The following NEGR1 variants were observed in gnomAD, a reference collection of about 807,000 sequenced individuals.
NEGR1 encodes the protein IgLON family member 4.
Under a neutral mutation model 40.9 loss-of-function variants are expected in NEGR1, and 10 were observed. The observed-to-expected ratio is 0.24, with a 90% CI of 0.15 to 0.42. The LOEUF is 0.42. NEGR1 is among the 10% of genes least tolerant of loss of function. The pLI, the probability that NEGR1 is intolerant of heterozygous loss-of-function variation, is 1.00. For missense variants in NEGR1, 352 were observed against 438.9 expected, an observed-to-expected ratio of 0.80 and a Z score of 1.77; for synonymous variants, 185 against 166.8, an observed-to-expected ratio of 1.11 and a Z score of -0.84.
chr1:71,824,442 C>T (rs1658544549), intron 2 of NEGR1, among the ~76,000 whole-genome samples: 1 of 151,548 alleles, frequency 6.6e-6, no homozygotes, highest in African/African-American at 2.4e-5. Context: ...AATGTGAGAG[C>T]CATATAATCT....
At chr1:71,586,351 T>G (rs1412521735) in intron 6 of NEGR1, among the ~76,000 whole-genome samples, 1 of 152,196 alleles carries the variant, frequency 6.6e-6, no homozygotes, top group African/African-American at 2.4e-5. Context: ...TCAAGGCCGC[T>G]ATGTAATGTG....
intron 1 of NEGR1, among the ~76,000 whole-genome samples, chr1:72,085,588 T>G (rs1241069822): frequency 6.6e-6 from 1 of 152,198 alleles, no homozygotes; most frequent in African/African-American, 2.4e-5. Flanking sequence ...TATTATGTAA[T>G]GCTACTGAAT....
intron 1 of NEGR1, among the ~76,000 whole-genome samples, chr1:72,029,754 G>T (rs1646841483): frequency 6.6e-6 from 1 of 152,124 alleles, no homozygotes; most frequent in Admixed American, 6.6e-5. Context: ...TATATTTCAA[G>T]AGTTCTTCGA....
chr1:72,050,960 A>C (rs1051585473), intron 1 of NEGR1, among the ~76,000 whole-genome samples: 1 of 151,510 alleles, frequency 6.6e-6, no homozygotes, highest in African/African-American at 2.4e-5. Context: ...TCCCCAGTCC[A>C]ATCAAGCCTT....
intron 2 of NEGR1, among the ~76,000 whole-genome samples, chr1:71,778,033 CA>C (rs1557648807): frequency 1.3e-5 from 2 of 151,832 alleles, no homozygotes; most frequent in Admixed American, 6.6e-5. Flanking sequence ...AAGGAAAGTA[CA>C]AAAAACTTTG....
intron 1 of NEGR1, among the ~76,000 whole-genome samples, chr1:72,028,476 T>C (rs1646830734): frequency 6.6e-6 from 1 of 152,192 alleles, no homozygotes; most frequent in South Asian, 2.1e-4. Flanking sequence ...TATGCAATTA[T>C]TATTTCTCTC....
chr1:71,702,547 G>T (rs1653731892), intron 3 of NEGR1, among the ~76,000 whole-genome samples: 1 of 151,752 alleles, frequency 6.6e-6, no homozygotes, highest in Non-Finnish European at 1.5e-5. Context: ...GGAATTATTA[G>T]AATAATGTAA....
chr1:71,662,429 T>C (rs1249652470), intron 4 of NEGR1, among the ~76,000 whole-genome samples: 2 of 152,196 alleles, frequency 1.3e-5, no homozygotes, highest in Admixed American at 1.3e-4. Context: ...CTCCCTTTGT[T>C]GTAAACTTGC....
chr1:71,764,051 T>C (rs1404955438), intron 3 of NEGR1, among the ~76,000 whole-genome samples: 2 of 152,076 alleles, frequency 1.3e-5, no homozygotes, highest in Admixed American at 1.3e-4. Context: ...CAAAAGCAAA[T>C]AAAGTCAATT....
intron 6 of NEGR1, among the ~76,000 whole-genome samples, chr1:71,501,351 C>T (rs1646997860): frequency 6.6e-6 from 1 of 151,970 alleles, no homozygotes; most frequent in African/African-American, 2.4e-5. Flanking sequence ...GAACTTTAAT[C>T]GTATGAAGCA....
intron 1 of NEGR1, among the ~76,000 whole-genome samples, chr1:72,257,335 A>C (rs934132557): frequency 4.0e-5 from 6 of 151,052 alleles, no homozygotes; most frequent in African/African-American, 1.5e-4. Context: ...AAAAAAAAAA[A>C]AAAAAAAAAG....
intron 6 of NEGR1, among the ~76,000 whole-genome samples, chr1:71,578,502 C>G (rs751607814): frequency 6.6e-6 from 1 of 152,044 alleles, no homozygotes; most frequent in Non-Finnish European, 1.5e-5. Context: ...CATTATCAAT[C>G]AGGCAATTCT....
chr1:71,650,112 A>G (rs914128303), intron 4 of NEGR1, among the ~76,000 whole-genome samples: 7 of 152,132 alleles, frequency 4.6e-5, no homozygotes, highest in African/African-American at 1.7e-4. Context: ...ATTTTTATGT[A>G]TCTTCAAATA....
chr1:72,243,556 G>A (rs1228833542), intron 1 of NEGR1, among the ~76,000 whole-genome samples: 2 of 151,726 alleles, frequency 1.3e-5, no homozygotes, highest in Non-Finnish European at 3.0e-5. Context: ...AGCAGAGTCT[G>A]TCACAGTCAC....
chr1:71,586,571 T>C (rs376647317), intron 6 of NEGR1, among the ~76,000 whole-genome samples: 15 of 152,236 alleles, frequency 9.9e-5, no homozygotes, highest in Admixed American at 8.5e-4. Context: ...CTCCGCTAAC[T>C]GATATGTGGT....
intron 6 of NEGR1, among the ~76,000 whole-genome samples, chr1:71,472,848 T>C (rs888122990): frequency 2.2e-4 from 34 of 152,014 alleles, no homozygotes; most frequent in Non-Finnish European, 4.1e-4. Context: ...ATTAAAAGTA[T>C]ACATATAAAA....
At chr1:71,594,379 C>G (rs780265240) in intron 5 of NEGR1, among the ~76,000 whole-genome samples, 1 of 152,004 alleles carries the variant, frequency 6.6e-6, no homozygotes, top group South Asian at 2.1e-4. Context: ...TCAATTTGAA[C>G]TCCTTTGCAT....
chr1:71,554,793 A>G (rs1246445873), intron 6 of NEGR1, among the ~76,000 whole-genome samples: 1 of 151,492 alleles, frequency 6.6e-6, no homozygotes, highest in Admixed American at 6.6e-5. Flanking sequence ...GATTTCACCA[A>G]TTAGGTTGCT....
intron 6 of NEGR1, among the ~76,000 whole-genome samples, chr1:71,443,675 T>C (rs989448866): frequency 1.3e-4 from 20 of 152,216 alleles, no homozygotes; most frequent in African/African-American, 4.8e-4. Flanking sequence ...CATATTCTAA[T>C]TGGAGAAAGC....
Sources: allele counts gnomAD v4.1 joint callset (sites outside exome capture counted in the v4.1 genomes callset), GRCh38; gene constraint gnomAD v4.1.1; transcripts MANE v1.5; gene names NCBI Gene and HGNC (gene_info 2026-07-23, HGNC 2026-07-21).